Variants in ABCC10 observed in about 807,000 individuals in gnomAD.
The protein encoded by ABCC10 is ATP-binding cassette sub-family C member 10.
Under a neutral mutation model 143.2 loss-of-function variants are expected in ABCC10, and 110 were observed. That is an observed-to-expected ratio of 0.77 (90% CI 0.66 to 0.90). ABCC10 has a LOEUF of 0.90. Among genes scored for constraint, ABCC10 ranks in the 40% least tolerant of loss-of-function variants. The pLI is 0.00. For synonymous variants in ABCC10, 805 were observed against 846.7 expected (o/e 0.95, Z 0.85); for missense variants, 1,700 against 1,900.5 (o/e 0.89, Z 1.96).
chr6:43,446,562 A>T, intron 16 of ABCC10, 116 bp downstream of exon 16: 2 of 1,443,338 alleles, frequency 1.4e-6, no homozygotes, highest in East Asian at 5.1e-5. Context: ...GTTCCCTGTG[A>T]GGATGTATCA....
Position 43,442,993 on chromosome 6 carries a change from T to C in ABCC10, c.2250T>C (p.Asp750=). The C allele has an allele frequency of 6.2e-7, 1 of 1,602,312 alleles. No homozygotes were observed. The highest frequency in any genetic ancestry group is 1.1e-5 in the South Asian group (1 of 89,232). ...AGGAAAAGGAGCTCTATCTCCTCGA[T>C]GACCCTCTGGCCGCTGTGGATGCAG... The part of the protein sequence containing the change: ...VYQEKELYLL[D]DPLAAVDADV... The change falls in exon 10 of 22, where the codon GAT becomes GAC. Residue 750 remains aspartate (D), a synonymous_variant. Coordinates refer to ENST00000372530, the MANE Select transcript of ABCC10 (RefSeq NM_001198934.2).
In ABCC10 at chr6:43,433,056, T is replaced by G; in HGVS notation, c.1076T>G (p.Val359Gly). 6.2e-7 allele frequency: 1 copy of G among 1,614,160 alleles called. No individual in the cohort carries two copies. The highest frequency in any genetic ancestry group is 1.1e-5 in the South Asian group (1 of 91,090). Reference sequence around the variant, plus strand: ...GTAACACTTCAGGCACGGGGGGCTGTGCTGAACATCCTGTACTGCAAGGCT... The same window carrying G: ...GTAACACTTCAGGCACGGGGGGCTGGGCTGAACATCCTGTACTGCAAGGCT... ...YKVTLQARGA[V>G]LNILYCKALQ... Residue 359 changes from valine to glycine, a missense_variant, in exon 3 of 22, where the codon GTG becomes GGG. Val to Gly is a moderately radical substitution (Grantham distance 109). Coordinates refer to ENST00000372530, the MANE Select transcript of ABCC10 (RefSeq NM_001198934.2).
At chr6:43,437,881 C>T in intron 6 of ABCC10, 53 bp from the exon 7 acceptor site, 1 of 1,562,786 alleles carries the variant, frequency 6.4e-7, no homozygotes, top group Non-Finnish European at 8.7e-7. Context: ...AGACCACTGC[C>T]ACCTCTGTCC....
At chr6:43,428,986 G>A (rs1196571395) in intron 2 of ABCC10, among the ~76,000 whole-genome samples, 1 of 152,144 alleles carries the variant, frequency 6.6e-6, no homozygotes, top group Non-Finnish European at 1.5e-5. Context: ...CAGACCAAGC[G>A]GATACACAGC....
At position 43,435,763 on chromosome 6, in the gene ABCC10, C is replaced by G. The variant is rs200117487; in HGVS notation, c.1621C>G (p.Leu541Val). 4.5e-4 allele frequency: 720 copies of G among 1,614,076 alleles called. 3 individuals are homozygous for G. Among genetic ancestry groups the G allele is most frequent in the Non-Finnish European group, 2.5e-5 (30 of 1,180,028 alleles). Residue 541 changes from leucine (L) to valine (V), a missense_variant, in exon 5 of 22, where the codon CTG becomes GTG. Transcript: ENST00000372530. The stretch of plus-strand genomic sequence containing the variant: ...CCACCTCACTCAGGTGTTCACGGCC[C>G]TGGCACTGGTGCGAATGCTCATTCT... The part of the protein sequence containing the change: ...QLTATKVFTA[L>V]ALVRMLILPL...
At position 43,449,314 on chromosome 6, in the gene ABCC10, T is replaced by C. The variant is rs944414522; in HGVS notation, c.4204-108T>C. 3 of 1,499,016 alleles carry C rather than the reference T, an allele frequency of 2.0e-6. No homozygotes were observed. The African/African-American group carries it at 4.2e-5, about 21-fold the overall frequency. The allele number at this position is 1,499,016 out of a possible 1,614,324, so 92.9% of individuals were successfully genotyped here. A position where few individuals can be genotyped will look rare whatever the true frequency, so the allele number is the denominator to read the frequency against. On this transcript the variant is annotated intron_variant, in intron 20 of 21. Transcript: ENST00000372530. Reference sequence around the variant, plus strand: ...TAGGGGACCAAGTTCATTTTCCTTTTAGAGCTGGAAGTGGGGAGCTGTGGT... The same window carrying C: ...TAGGGGACCAAGTTCATTTTCCTTTCAGAGCTGGAAGTGGGGAGCTGTGGT...
chr6:43,447,980 C>T, intron 18 of ABCC10, 43 bp downstream of exon 18: 1 of 1,604,470 alleles, frequency 6.2e-7, no homozygotes. Flanking sequence ...GGAACCAGAA[C>T]TACTGGCACT....
chr6:43,435,687 G>T (rs1781617680), intron 4 of ABCC10, 64 bp from the exon 5 acceptor site: 2 of 1,569,760 alleles, frequency 1.3e-6, no homozygotes, highest in African/African-American at 2.7e-5. Context: ...TGTCCACAGG[G>T]CTTCCCATAG....
intron 8 of ABCC10, among the ~76,000 whole-genome samples, chr6:43,440,832 C>G (rs1782329823): frequency 6.9e-6 from 1 of 144,508 alleles, no homozygotes; most frequent in Non-Finnish European, 1.5e-5. Flanking sequence ...CCATTGTACT[C>G]CAGCCTGTGC....
intron 7 of ABCC10, 41 bp from the exon 8 acceptor site, chr6:43,438,583 A>C (rs1352963659): frequency 6.2e-7 from 1 of 1,605,650 alleles, no homozygotes; most frequent in Non-Finnish European, 8.5e-7. Flanking sequence ...AGGGACCCAG[A>C]GGAGAGCTGG....
At chr6:43,450,718 C>G, downstream of ABCC10, 1 of 1,614,148 alleles carries the variant, frequency 6.2e-7, no homozygotes, top group Non-Finnish European at 8.5e-7. This position sits in a 1 kb window ranked among gnomAD's most constrained non-coding sequence, Gnocchi z 4.5. Context: ...GTCAGCAACA[C>G]AGTAGCCAGA....
At position 43,448,893 on chromosome 6, in the gene ABCC10, T is replaced by C; in HGVS notation, c.3972T>C (p.Ala1324=). 6.2e-7 allele frequency: 1 copy of C among 1,612,854 alleles called. No individual in the cohort carries two copies. The highest frequency in any genetic ancestry group is 2.2e-5 in the East Asian group (1 of 44,876). The part of the protein sequence containing the change: ...LELAQLRSQL[A]IIPQEPFLFS... The stretch of plus-strand genomic sequence containing the variant: ...CATTGTCCCCCAGATCCCAGTTGGC[T>C]ATCATCCCCCAGGAGCCCTTTTTGT... The change falls in exon 19 of 22, where the codon GCT becomes GCC. Residue 1324 remains alanine, a synonymous_variant. Coordinates refer to ENST00000372530, the MANE Select transcript of ABCC10 (RefSeq NM_001198934.2).
Position 43,443,143 on chromosome 6 carries a change from G to C in ABCC10, c.2400G>C (p.Gly800=). Residue 800 remains glycine, a synonymous_variant, in exon 10 of 22, where the codon GGG becomes GGC. Transcript: ENST00000372530. This position sits in a 1 kb window ranked among gnomAD's most constrained non-coding sequence, Gnocchi z 4.2. ...RADAVLLMEA[G]RLIRAGPPSE... is the part of the protein sequence containing the mutation. ...ACGCGGTGCTGCTGATGGAGGCCGG[G>C]CGCCTCATCCGGGCTGGTAATGGGG... The C allele has an allele frequency of 6.2e-7, 1 of 1,602,512 alleles. No homozygotes were observed. Among genetic ancestry groups the C allele is most frequent in the Non-Finnish European group, 8.5e-7 (1 of 1,178,104 alleles).
chr6:43,449,899 C>A (rs1473881401), intron 21 of ABCC10, 30 bp from the exon 22 acceptor site: 2 of 1,612,524 alleles, frequency 1.2e-6, no homozygotes. Flanking sequence ...TGTCCCTCAT[C>A]CCCTACACTG....
Position 43,445,167 on chromosome 6 carries a change from C to T in ABCC10, c.2883C>T (p.Ser961=), listed in dbSNP as rs1237907423. The T allele has an allele frequency of 1.2e-6, 2 of 1,613,986 alleles. No homozygotes were observed. The highest frequency in any genetic ancestry group is 2.7e-5 in the African/African-American group (2 of 74,914). The change falls in exon 14 of 22, where the codon TCC becomes TCT. Residue 961 remains serine (S), a synonymous_variant. Transcript: ENST00000372530. ...TGCCCAAAGCTGCCCCCAATGGCTC[C>T]TCAGACATCCGTTTCTACCTCACCG... The part of the protein sequence containing the change: ...FPLPKAAPNG[S]SDIRFYLTVY...
downstream of ABCC10, chr6:43,451,874 TC>T: frequency 1.1e-5 from 18 of 1,593,606 alleles, 1 homozygote; most frequent in South Asian, 2.0e-4. The surrounding 1 kb of genome is among the most constrained non-coding windows in gnomAD (Gnocchi z 4.4). Context: ...CAGTCCTGCC[TC>T]TTTTCTCATC....
At chr6:43,447,137 C>T (rs1164659727) in intron 16 of ABCC10, 111 bp from the exon 17 acceptor site, 11 of 1,378,146 alleles carry the variant, frequency 8.0e-6, no homozygotes, top group South Asian at 5.5e-5. Context: ...TGAGCCACCG[C>T]GCCCAGCCTC....
chr6:43,442,055 T>C, intron 9 of ABCC10, 95 bp downstream of exon 9: 1 of 1,056,076 alleles, frequency 9.5e-7, no homozygotes, highest in Admixed American at 2.1e-5. Context: ...ATATTTTCCT[T>C]AGCATCTGGT....
rs543886430 is a variant in ABCC10 at position 43,434,751 on chromosome 6, C to T, written c.1511C>T (p.Ala504Val). 2.4e-5 allele frequency: 38 copies of T among 1,614,202 alleles called. No homozygotes were observed. The highest frequency in any genetic ancestry group is 5.5e-5 in the South Asian group (5 of 91,086). Residue 504 changes from alanine (A) to valine (V), a missense_variant, in exon 4 of 22, where the codon GCG becomes GTG. Physicochemically the swap from Ala to Val is moderately conservative, Grantham distance 64. Coordinates refer to ENST00000372530, the MANE Select transcript of ABCC10 (RefSeq NM_001198934.2). ...CTCCGGGTCATCAAATACCTGGATG[C>T]GGCCTGTGTATACCTGTGGGCTGCC... is the stretch of plus-strand genomic sequence containing the variant. ...GRLRVIKYLD[A>V]ACVYLWAALP...
Sources: gnomAD v4.1 joint callset for allele counts (sites outside exome capture counted in the v4.1 genomes callset) on GRCh38, gnomAD v4.1.1 for gene constraint, Gnocchi (gnomAD v3.1) non-coding constraint, MANE v1.5 for transcripts, NCBI Gene and HGNC (gene_info 2026-07-23, HGNC 2026-07-21) for gene names.